PLPP4: variants seen among roughly 807,000 people sequenced by gnomAD.
PLPP4 encodes the protein diacylglycerol pyrophosphate like 2.
A neutral mutation model predicts 32.2 loss-of-function variants in PLPP4; 20 were observed. That is an observed-to-expected ratio of 0.62 (90% confidence interval 0.44 to 0.90). The LOEUF is 0.90. PLPP4 is among the 40% of genes least tolerant of loss of function. The pLI is 0.00. For missense variants in PLPP4, 257 were observed against 353.1 expected (o/e 0.73, Z 2.18); for synonymous variants, 127 against 133.0 (o/e 0.95, Z 0.31).
chr10:120,486,119 C>T (rs576461321), intron 1 of PLPP4, among the ~76,000 whole-genome samples: 1 of 152,322 alleles, frequency 6.6e-6, no homozygotes, highest in South Asian at 2.1e-4. Flanking sequence ...TAATGTCACA[C>T]TTGGTGTCCG....
chr10:120,518,565 G>A (rs1173519219), intron 3 of PLPP4, among the ~76,000 whole-genome samples: 1 of 152,188 alleles, frequency 6.6e-6, no homozygotes, highest in Non-Finnish European at 1.5e-5. Flanking sequence ...AAGCTCCTCT[G>A]TGATTGTGAA....
At chr10:120,575,022 T>G in intron 5 of PLPP4, 109 bp from the exon 6 acceptor site, 1 of 1,133,586 alleles carries the variant, frequency 8.8e-7, no homozygotes, top group Non-Finnish European at 1.3e-6. Context: ...GGTGCCAACA[T>G]GGCCTTGGCC....
At chr10:120,505,186 G>C (rs2478417) in intron 2 of PLPP4, among the ~76,000 whole-genome samples, 100,089 of 152,194 alleles carry the variant, frequency 0.66, 33,637 homozygotes, top group African/African-American at 0.8. Flanking sequence ...ACTTGCCCAA[G>C]GTCACACAGC....
chr10:120,581,634 C>T (rs776244182), intron 6 of PLPP4, among the ~76,000 whole-genome samples: 1 of 152,148 alleles, frequency 6.6e-6, no homozygotes, highest in Non-Finnish European at 1.5e-5. Context: ...ACAGGCCCGT[C>T]CCATCCCACC....
chr10:120,466,032 A>T (rs894343249), intron 1 of PLPP4, among the ~76,000 whole-genome samples: 1 of 152,080 alleles, frequency 6.6e-6, no homozygotes, highest in Non-Finnish European at 1.5e-5. Context: ...TCTTGTAGGT[A>T]TATACATACG....
At chr10:120,575,917 C>T (rs1849202445) in intron 6 of PLPP4, among the ~76,000 whole-genome samples, 1 of 152,176 alleles carries the variant, frequency 6.6e-6, no homozygotes, top group South Asian at 2.1e-4. Context: ...CAAACTGCAG[C>T]TCACAGTCTG....
At chr10:120,546,323 C>T (rs148749528) in intron 5 of PLPP4, among the ~76,000 whole-genome samples, 2 of 152,244 alleles carry the variant, frequency 1.3e-5, no homozygotes, top group Admixed American at 6.5e-5. Flanking sequence ...CTATACCTCC[C>T]CTGTCCCCCA....
chr10:120,544,875 G>A (rs1026869549), intron 5 of PLPP4, among the ~76,000 whole-genome samples: 1 of 152,252 alleles, frequency 6.6e-6, no homozygotes, highest in African/African-American at 2.4e-5. Flanking sequence ...GTGTCAACCA[G>A]GGAATAGGAT....
chr10:120,498,730 A>C (rs1845090189), intron 1 of PLPP4, among the ~76,000 whole-genome samples: 1 of 150,074 alleles, frequency 6.7e-6, no homozygotes. Flanking sequence ...GTATGATCTC[A>C]GCTCACTGCA....
At chr10:120,472,757 T>A (rs1471401373) in intron 1 of PLPP4, among the ~76,000 whole-genome samples, 3 of 152,160 alleles carry the variant, frequency 2.0e-5, no homozygotes, top group Non-Finnish European at 2.9e-5. Context: ...CCTACAGATC[T>A]TGGATGCTCT....
chr10:120,543,009 C>T (rs954009698), intron 5 of PLPP4, among the ~76,000 whole-genome samples: 10 of 152,140 alleles, frequency 6.6e-5, no homozygotes, highest in Admixed American at 3.3e-4. Context: ...TTATGAAGAA[C>T]GTGGTAATGT....
chr10:120,552,820 T>C (rs1847973763), intron 5 of PLPP4, among the ~76,000 whole-genome samples: 1 of 152,232 alleles, frequency 6.6e-6, no homozygotes, highest in South Asian at 2.1e-4. Flanking sequence ...ATATAGGCTA[T>C]GCTGATTTAC....
At chr10:120,558,612 C>T (rs192577714) in intron 5 of PLPP4, among the ~76,000 whole-genome samples, 42 of 152,154 alleles carry the variant, frequency 2.8e-4, no homozygotes, top group African/African-American at 9.4e-4. Context: ...GACGAGGTTG[C>T]ACCATGTTGG....
chr10:120,514,937 G>T (rs1273446177), intron 3 of PLPP4, among the ~76,000 whole-genome samples: 1 of 152,140 alleles, frequency 6.6e-6, no homozygotes, highest in Non-Finnish European at 1.5e-5. Context: ...ATGTTTGTTT[G>T]TTAATTATTG....
At chr10:120,460,149 A>G (rs1037860695) in intron 1 of PLPP4, among the ~76,000 whole-genome samples, 6 of 152,198 alleles carry the variant, frequency 3.9e-5, no homozygotes, top group African/African-American at 1.4e-4. Flanking sequence ...ATAACAGAAG[A>G]TAAATTGGTT....
chr10:120,542,981 T>C (rs748708487), intron 5 of PLPP4, among the ~76,000 whole-genome samples: 1 of 152,192 alleles, frequency 6.6e-6, no homozygotes, highest in Non-Finnish European at 1.5e-5. Flanking sequence ...ATAGGGACCA[T>C]GTGCATGTAG....
chr10:120,480,781 G>A (rs1419151153), intron 1 of PLPP4, among the ~76,000 whole-genome samples: 1 of 152,200 alleles, frequency 6.6e-6, no homozygotes, highest in Admixed American at 6.5e-5. Flanking sequence ...CTGCCCCCTT[G>A]TCTTTCCTTT....
chr10:120,519,000 T>TTCTC (rs1003515159), intron 4 of PLPP4, 104 bp downstream of exon 4: 1 of 744,410 alleles, frequency 1.3e-6, no homozygotes, highest in Non-Finnish European at 2.2e-6. Flanking sequence ...GCTCATCTAG[T>TTCTC]TCTCCCTTAA....
chr10:120,489,836 T>C (rs1463741126), intron 1 of PLPP4, among the ~76,000 whole-genome samples: 2 of 152,212 alleles, frequency 1.3e-5, no homozygotes, highest in East Asian at 1.9e-4. Flanking sequence ...CGATTAAAGA[T>C]TCCAGGTGGC....
Sources: gnomAD v4.1 joint callset for allele counts (sites outside exome capture counted in the v4.1 genomes callset) on GRCh38, gnomAD v4.1.1 for gene constraint, MANE v1.5 for transcripts, NCBI Gene and HGNC (gene_info 2026-07-23, HGNC 2026-07-21) for gene names.